The following PCDHGA3 variants were observed in gnomAD, a reference collection of about 807,000 sequenced individuals.
The protein encoded by PCDHGA3 is protocadherin gamma-A3.
In PCDHGA3, 40 loss-of-function variants were observed where a neutral mutation model predicts 58.5. The observed-to-expected ratio is 0.68, with a 90% CI of 0.53 to 0.89. The LOEUF (loss-of-function observed/expected upper bound fraction) is 0.89, where lower values mean the gene tolerates loss of function less well. Ranked by LOEUF, PCDHGA3 falls within the 40% of genes least tolerant of loss-of-function variation. The pLI is 0.00. For synonymous variants in PCDHGA3, 530 were observed against 525.7 expected (o/e 1.01, Z -0.11); for missense variants, 1,223 against 1,195.9 (o/e 1.02, Z -0.33).
intron 1 of PCDHGA3, among the ~76,000 whole-genome samples, chr5:141,469,186 G>T (rs536021769): frequency 6.6e-6 from 1 of 151,978 alleles, no homozygotes; most frequent in Admixed American, 6.6e-5. Flanking sequence ...TGAGGCAAGA[G>T]GATTGCTTGA....
chr5:141,387,813 A>T, intron 1 of PCDHGA3: 6 of 1,531,348 alleles, frequency 3.9e-6, no homozygotes, highest in Non-Finnish European at 5.3e-6. Flanking sequence ...GAGATCCAAA[A>T]ATCTGCAATA....
In PCDHGA3 at chr5:141,476,584, C is replaced by G. The variant is rs140544807; in HGVS notation, c.2425-18223C>G. ...TGGCTCCGGGGACGCGCTTTCCGCTCGAGAGCGCGCACGATCCCGATGTGG... is the reference window on the plus strand; with the variant it reads ...TGGCTCCGGGGACGCGCTTTCCGCTGGAGAGCGCGCACGATCCCGATGTGG... On this transcript the variant is annotated intron_variant, in intron 1 of 3. Coordinates refer to ENST00000253812, the MANE Select transcript of PCDHGA3 (RefSeq NM_018916.4). This position sits in a 1 kb window ranked among gnomAD's most constrained non-coding sequence, Gnocchi z 7.6. 1.2e-5 allele frequency: 19 copies of G among 1,614,100 alleles called. No homozygotes were observed. The African/African-American group carries it at 2.3e-4, about 19-fold the overall frequency.
chr5:141,404,080 C>G (rs369802030), intron 1 of PCDHGA3: 1 of 1,613,516 alleles, frequency 6.2e-7, no homozygotes, highest in Non-Finnish European at 8.5e-7. Flanking sequence ...ACCGAGACTC[C>G]GGGAAGAATG....
At chr5:141,462,651 CA>C (rs60282352) in intron 1 of PCDHGA3, among the ~76,000 whole-genome samples, 42,411 of 152,004 alleles carry the variant, frequency 0.28, 6,634 homozygotes, top group African/African-American at 0.43. Flanking sequence ...TTTCCATCCT[CA>C]ATTATCTTCA....
Position 141,490,732 on chromosome 5 carries a change from G to T in PCDHGA3, c.2425-4075G>T, listed in dbSNP as rs775388969. 4 of 1,614,188 alleles carry T rather than the reference G, an allele frequency of 2.5e-6. No individual in the cohort carries two copies. Among genetic ancestry groups the T allele is most frequent in the Non-Finnish European group, 3.4e-6 (4 of 1,180,042 alleles). ...CACCTACTCCATTGTAGGAAATCAGGTTCAGGGAGCCCCAGCCTCCTCCTT... is the reference window on the plus strand; with the variant it reads ...CACCTACTCCATTGTAGGAAATCAGTTTCAGGGAGCCCCAGCCTCCTCCTT... On this transcript the variant is annotated intron_variant, in intron 1 of 3. Transcript: ENST00000253812. The surrounding 1 kb of genome is among the most constrained non-coding windows in gnomAD (Gnocchi z 5.4).
At chr5:141,414,623 C>T (rs998923536) in intron 1 of PCDHGA3, 2 of 1,613,820 alleles carry the variant, frequency 1.2e-6, no homozygotes, top group African/African-American at 1.3e-5. Flanking sequence ...GCGCTGGACC[C>T]GGACAGCAAA....
At chr5:141,351,161 G>A (rs1758660586) in intron 1 of PCDHGA3, 6 of 1,614,026 alleles carry the variant, frequency 3.7e-6, no homozygotes, top group African/African-American at 1.3e-5. Context: ...CACAACCAAT[G>A]GCACATTGGA....
intron 1 of PCDHGA3, among the ~76,000 whole-genome samples, chr5:141,381,826 C>CTTTTTTTTTTTTTTTTTTTTTTTT (rs770630741): frequency 4.0e-5 from 3 of 74,284 alleles, no homozygotes; most frequent in African/African-American, 6.2e-5. Context: ...CTTTCTTCTT[C>CTTTTTTTTTTTTTTTTTTTTTTTT]TTTTTTTTTT....
intron 1 of PCDHGA3, chr5:141,419,506 C>T (rs527369615): frequency 6.2e-7 from 1 of 1,612,352 alleles, no homozygotes; most frequent in Non-Finnish European, 8.5e-7. Context: ...TGAGCCTGCG[C>T]GTGTTGGTGG....
chr5:141,421,073 G>A (rs2096544393), intron 1 of PCDHGA3: 4 of 613,858 alleles, frequency 6.5e-6, no homozygotes, highest in Non-Finnish European at 1.1e-5. Flanking sequence ...GGAATGAGAT[G>A]GATACTCACA....
At position 141,344,191 on chromosome 5, in the gene PCDHGA3, G is replaced by A. The variant is rs1281454137; in HGVS notation, c.158G>A (p.Gly53Glu). 1.2e-6 allele frequency: 2 copies of A among 1,613,900 alleles called. No homozygotes were observed. Among genetic ancestry groups the A allele is most frequent in the East Asian group, 2.2e-5 (1 of 44,884 alleles). ...GTGGGCAACATCGCTAACGACCTGG[G>A]GCTAGAGCCCCGGGAGCTGGCGGAG... ...SFVGNIANDL[G>E]LEPRELAERG... Residue 53 changes from glycine (G) to glutamate (E), a missense_variant, in exon 1 of 4, where the codon GGG becomes GAG. By Grantham distance (98) the Gly-to-Glu change is moderately conservative. This residue lies in a region of PCDHGA3 where 791 missense variants were observed against 708.5 expected (regional missense o/e 1.12). Coordinates refer to ENST00000253812, the MANE Select transcript of PCDHGA3 (RefSeq NM_018916.4).
chr5:141,404,119 T>G, intron 1 of PCDHGA3: 1 of 1,613,504 alleles, frequency 6.2e-7, no homozygotes, highest in Non-Finnish European at 8.5e-7. Flanking sequence ...TCCAGGAGAA[T>G]CTATCTTTTA....
intron 1 of PCDHGA3, chr5:141,403,538 C>T (rs781129314): frequency 1.5e-5 from 24 of 1,613,874 alleles, no homozygotes; most frequent in Non-Finnish European, 1.5e-5. Flanking sequence ...AGAGCTGGTG[C>T]TGGAGCGCGC....
At chr5:141,368,352 CAT>C (rs965270733) in intron 1 of PCDHGA3, among the ~76,000 whole-genome samples, 1 of 152,006 alleles carries the variant, frequency 6.6e-6, no homozygotes, top group East Asian at 1.9e-4. Context: ...TATACACACA[CAT>C]ATATATACAC....
intron 1 of PCDHGA3, among the ~76,000 whole-genome samples, chr5:141,475,556 T>A (rs1420756007): frequency 6.6e-6 from 1 of 152,248 alleles, no homozygotes; most frequent in Non-Finnish European, 1.5e-5. Context: ...CGGCTAATTG[T>A]CTGTCTTCCA....
Position 141,487,003 on chromosome 5 carries a change from C to T in PCDHGA3, c.2425-7804C>T. The stretch of plus-strand genomic sequence containing the variant: ...ACAATGCTTGGGTTTCCTATCAGCT[C>T]CTGGAGGCCCCAGATCCCAGCCTGT... On this transcript the variant is annotated intron_variant, in intron 1 of 3. Transcript: ENST00000253812. The surrounding 1 kb of genome is among the most constrained non-coding windows in gnomAD (Gnocchi z 5.0). 1 of 1,614,228 alleles carries T rather than the reference C, an allele frequency of 6.2e-7. No homozygotes were observed.
chr5:141,500,434 C>T (rs1216731905), intron 2 of PCDHGA3, among the ~76,000 whole-genome samples: 1 of 152,014 alleles, frequency 6.6e-6, no homozygotes, highest in Non-Finnish European at 1.5e-5. Flanking sequence ...TGGTCTCGAT[C>T]TCCTGACCTC....
rs761590469 is a variant in PCDHGA3, at chr5:141,364,617, G to A, written c.2424+18160G>A. 3.1e-6 allele frequency: 5 copies of A among 1,614,158 alleles called. No individual in the cohort carries two copies. The Admixed American group carries it at 8.3e-5, about 27-fold the overall frequency. The stretch of plus-strand genomic sequence containing the variant: ...GGCAGGATAGACCGGGAGGAGCTCT[G>A]CGCTCAGAGCCCACTGTGTGTGGTG... On this transcript the variant is annotated intron_variant, in intron 1 of 3. Coordinates refer to ENST00000253812, the MANE Select transcript of PCDHGA3 (RefSeq NM_018916.4).
chr5:141,355,846 G>A (rs1176022573), intron 1 of PCDHGA3: 5 of 1,612,248 alleles, frequency 3.1e-6, no homozygotes, highest in Admixed American at 1.7e-5. Flanking sequence ...CACGGCCTTC[G>A]ATGGAGGTGA....
Sources: gnomAD v4.1 joint callset for allele counts (sites outside exome capture counted in the v4.1 genomes callset) on GRCh38, gnomAD v4.1.1 for gene constraint, gnomAD v4.1.1 regional missense constraint, Gnocchi (gnomAD v3.1) non-coding constraint, MANE v1.5 for transcripts, NCBI Gene and HGNC (gene_info 2026-07-23, HGNC 2026-07-21) for gene names.